PTPRD: variants seen among roughly 807,000 people sequenced by gnomAD.
The protein encoded by PTPRD is protein tyrosine phosphatase receptor type D, also known as receptor-type tyrosine-protein phosphatase delta.
Under a neutral mutation model 214.5 loss-of-function variants are expected in PTPRD, and 34 were observed. The observed-to-expected ratio is 0.16, with a 90% confidence interval of 0.12 to 0.21. PTPRD has a LOEUF of 0.21. Ranked by LOEUF, PTPRD falls within the 10% of genes least tolerant of loss-of-function variation. PTPRD has a pLI of 1.00. For synonymous variants in PTPRD, 1,128 were observed against 845.7 expected, an observed-to-expected ratio of 1.33 and a Z score of -5.79; for missense variants, 2,545 against 2,398.7, an observed-to-expected ratio of 1.06 and a Z score of -1.27.
chr9:8,962,778 A>G (rs1000093076), intron 11 of PTPRD: 1 of 152,154 alleles, frequency 6.6e-6, no homozygotes, highest in Non-Finnish European at 1.5e-5. Flanking sequence ...AAACTGGTTA[A>G]TCTACATGTA....
intron 19 of PTPRD, 80 bp downstream of exon 19, chr9:8,523,433 C>A: frequency 2.0e-6 from 3 of 1,492,684 alleles, no homozygotes; most frequent in Non-Finnish European, 2.8e-6. Context: ...AATGCAGCTA[C>A]ATTCATTTCA....
At chr9:9,501,907 G>A (rs547901057) in intron 8 of PTPRD, among the ~76,000 whole-genome samples, 1 of 151,894 alleles carries the variant, frequency 6.6e-6, no homozygotes, top group African/African-American at 2.4e-5. Context: ...AAAACTTGGT[G>A]GGATGCCTCT....
At chr9:8,673,510 T>C (rs1480021356) in intron 12 of PTPRD, among the ~76,000 whole-genome samples, 3 of 152,224 alleles carry the variant, frequency 2.0e-5, no homozygotes, top group African/African-American at 7.2e-5. Flanking sequence ...AACTGCCACT[T>C]ATTTACACTC....
intron 14 of PTPRD, among the ~76,000 whole-genome samples, chr9:8,549,736 T>C (rs1367607865): frequency 6.6e-6 from 1 of 152,232 alleles, no homozygotes; most frequent in East Asian, 1.9e-4. Flanking sequence ...AAATATAAAA[T>C]TATTCAAATT....
chr9:8,850,523 G>C (rs968297686), intron 11 of PTPRD, among the ~76,000 whole-genome samples: 7 of 151,866 alleles, frequency 4.6e-5, no homozygotes, highest in African/African-American at 1.5e-4. Context: ...TATTCCTCTA[G>C]AAAAACATAG....
intron 35 of PTPRD, among the ~76,000 whole-genome samples, chr9:8,408,456 C>T (rs1043602038): frequency 1.7e-4 from 26 of 152,086 alleles, no homozygotes; most frequent in African/African-American, 6.3e-4. Flanking sequence ...GAAGTTTTAC[C>T]TTCCCAAGCT....
rs1289343859 is a variant in PTPRD at position 10,510,680 on chromosome 9, T to C, written c.-600+101718A>G. 5.4e-4 allele frequency among the ~76,000 whole-genome samples: 82 copies of C among 152,184 alleles called. 1 individual carries two copies. The highest frequency in any genetic ancestry group is 4.4e-5 in the Non-Finnish European group (3 of 68,032). On this transcript the variant is annotated intron_variant, in intron 2 of 45. Coordinates refer to ENST00000381196, the MANE Select transcript of PTPRD (RefSeq NM_002839.4). ...ATCTGGGTAATGGGGATGTCCATCA[T>C]TTTAAACATTGATTATTTCTTTGTG...
chr9:8,934,466 TATATATATATAAATATATATATATATAA>T (rs1420961875), intron 11 of PTPRD, among the ~76,000 whole-genome samples: 12,927 of 26,022 alleles, frequency 0.5, 2,240 homozygotes, highest in East Asian at 0.58. Flanking sequence ...TATATATAAA[TATATATATATAAATATATATATATATAA>T]ATATATATAT....
intron 7 of PTPRD, among the ~76,000 whole-genome samples, chr9:9,698,946 A>G (rs1337774922): frequency 6.6e-6 from 1 of 152,198 alleles, no homozygotes; most frequent in Non-Finnish European, 1.5e-5. Context: ...ATATATTGCT[A>G]GAAGTTCGGT....
chr9:10,565,693 C>T (rs749886152), intron 2 of PTPRD, among the ~76,000 whole-genome samples: 2 of 152,070 alleles, frequency 1.3e-5, no homozygotes, highest in African/African-American at 2.4e-5. Flanking sequence ...GTATAGCAAC[C>T]TAGCTTACTA....
chr9:8,745,733 C>G (rs2092720198), intron 11 of PTPRD, among the ~76,000 whole-genome samples: 1 of 152,054 alleles, frequency 6.6e-6, no homozygotes, highest in Non-Finnish European at 1.5e-5. Flanking sequence ...TTTATACCAC[C>G]TTAAGGTATA....
At chr9:10,473,978 G>C (rs2099047135) in intron 2 of PTPRD, among the ~76,000 whole-genome samples, 1 of 152,010 alleles carries the variant, frequency 6.6e-6, no homozygotes, top group South Asian at 2.1e-4. Flanking sequence ...AAGAGCTCCT[G>C]AAGGAAGCAC....
At chr9:8,401,163 C>A (rs966471032) in intron 36 of PTPRD, among the ~76,000 whole-genome samples, 1 of 97,388 alleles carries the variant, frequency 1.0e-5, no homozygotes, top group African/African-American at 4.7e-5. Context: ...AAATATTTAC[C>A]TTTTCTTTTT....
intron 3 of PTPRD, among the ~76,000 whole-genome samples, chr9:10,128,151 A>G (rs895071259): frequency 6.6e-6 from 1 of 151,970 alleles, no homozygotes; most frequent in African/African-American, 2.4e-5. Context: ...TCCCTTCCAC[A>G]TGAGTCCTTT....
rs902483330 is a variant in PTPRD, at chr9:10,217,060, T to C, written c.-545+123903A>G. Among the ~76,000 whole-genome samples, 7 of 151,954 alleles carry C rather than the reference T, an allele frequency of 4.6e-5. 1 individual carries two copies. The highest frequency in any genetic ancestry group is 2.6e-4 in the Admixed American group (4 of 15,214). On this transcript the variant is annotated intron_variant, in intron 3 of 45. Coordinates refer to ENST00000381196, the MANE Select transcript of PTPRD (RefSeq NM_002839.4). Reference sequence around the variant, plus strand: ...AATGATTACAATACAGTGTAGAAAATTGTATTCTCATTTACTTGACTCTTC... The same window carrying C: ...AATGATTACAATACAGTGTAGAAAACTGTATTCTCATTTACTTGACTCTTC...
intron 3 of PTPRD, among the ~76,000 whole-genome samples, chr9:10,340,306 A>T (rs1396003364): frequency 6.6e-6 from 1 of 151,910 alleles, no homozygotes; most frequent in African/African-American, 2.4e-5. Context: ...GGGAGTCAAT[A>T]GCAAAAGCAT....
intron 14 of PTPRD, among the ~76,000 whole-genome samples, chr9:8,581,913 C>CAAAAAAAAAAAAAAAAA (rs36007156): frequency 3.1e-4 from 11 of 34,958 alleles, no homozygotes; most frequent in African/African-American, 6.6e-4. Context: ...ACTCAATCTC[C>CAAAAAAAAAAAAAAAAA]AAAAAAAAAA....
At chr9:9,799,284 G>A (rs922247698) in intron 5 of PTPRD, 6 of 152,086 alleles carry the variant, frequency 3.9e-5, no homozygotes, top group African/African-American at 1.4e-4. Flanking sequence ...AGATCTTACA[G>A]AGAGAGCAAT....
intron 3 of PTPRD, among the ~76,000 whole-genome samples, chr9:10,241,672 T>C (rs1254976580): frequency 6.6e-6 from 1 of 151,984 alleles, no homozygotes; most frequent in African/African-American, 2.4e-5. Flanking sequence ...GATCGGTGTT[T>C]TTCCTGAAAA....
Sources: allele counts gnomAD v4.1 joint callset (sites outside exome capture counted in the v4.1 genomes callset), GRCh38; gene constraint gnomAD v4.1.1; transcripts MANE v1.5; gene names NCBI Gene and HGNC (gene_info 2026-07-23, HGNC 2026-07-21).